The following PARD3B variants were observed in gnomAD, a reference collection of about 807,000 sequenced individuals.
PARD3B encodes the protein partitioning defective 3 homolog B.
Under a neutral mutation model 130.2 loss-of-function variants are expected in PARD3B, and 103 were observed. That is an observed-to-expected ratio of 0.79 (90% confidence interval 0.67 to 0.93). PARD3B has a LOEUF of 0.93. PARD3B is among the 40% of genes least tolerant of loss of function. The pLI is 0.00. For synonymous variants in PARD3B, 583 were observed against 553.2 expected, an observed-to-expected ratio of 1.05 and a Z score of -0.76; for missense variants, 1,609 against 1,499.2, an observed-to-expected ratio of 1.07 and a Z score of -1.21.
intron 21 of PARD3B, among the ~76,000 whole-genome samples, chr2:205,503,843 A>G (rs551474426): frequency 3.6e-4 from 55 of 151,984 alleles, no homozygotes; most frequent in African/African-American, 1.3e-3. Context: ...ATCCTCTTTT[A>G]TTTCATTGAG....
At chr2:205,094,705 G>T (rs1458991906) in intron 4 of PARD3B, among the ~76,000 whole-genome samples, 1 of 152,152 alleles carries the variant, frequency 6.6e-6, no homozygotes, top group Admixed American at 6.5e-5. Flanking sequence ...TGGCATGCGT[G>T]AAATGCCTGT....
intron 2 of PARD3B, among the ~76,000 whole-genome samples, chr2:204,773,184 T>G (rs2041463037): frequency 6.6e-6 from 1 of 151,992 alleles, no homozygotes; most frequent in Non-Finnish European, 1.5e-5. Context: ...CTTTTAAATA[T>G]ATCAGTGCTG....
chr2:205,123,672 AAT>A (rs201589558), intron 8 of PARD3B, among the ~76,000 whole-genome samples: 34,370 of 95,916 alleles, frequency 0.36, 5,161 homozygotes, highest in African/African-American at 0.49. Flanking sequence ...AAAAAAAAAA[AAT>A]AAGTGGTGGG....
chr2:204,644,460 A>G (rs1203210898), intron 1 of PARD3B, among the ~76,000 whole-genome samples: 2 of 152,190 alleles, frequency 1.3e-5, no homozygotes, highest in Non-Finnish European at 2.9e-5. Flanking sequence ...GTACCAATAT[A>G]GACTCTTTTA....
intron 4 of PARD3B, among the ~76,000 whole-genome samples, chr2:205,067,018 A>G (rs1402259168): frequency 1.4e-5 from 2 of 146,408 alleles, no homozygotes; most frequent in African/African-American, 5.1e-5. Context: ...GTAAGATGAA[A>G]TTATCTCAGT....
At chr2:205,155,545 T>A (rs901214611) in intron 10 of PARD3B, among the ~76,000 whole-genome samples, 1 of 152,276 alleles carries the variant, frequency 6.6e-6, no homozygotes, top group African/African-American at 2.4e-5. Flanking sequence ...AAATTTTGAT[T>A]TGTCAATTAA....
chr2:205,117,683 G>A (rs10211222), intron 6 of PARD3B, among the ~76,000 whole-genome samples: 50,049 of 152,086 alleles, frequency 0.33, 8,482 homozygotes, highest in African/African-American at 0.35. Context: ...TGACAAAGTC[G>A]AAAAGCAAGA....
intron 4 of PARD3B, among the ~76,000 whole-genome samples, chr2:205,075,873 C>T (rs1327513727): frequency 1.3e-5 from 2 of 151,994 alleles, no homozygotes; most frequent in Non-Finnish European, 2.9e-5. Flanking sequence ...AATGTTCAAA[C>T]TGATAAAACT....
rs577520367 is a variant in PARD3B, at chr2:204,814,240, A to C, written c.222+127958A>C. Among the ~76,000 whole-genome samples, 39 of 151,912 alleles carry C rather than the reference A, an allele frequency of 2.6e-4. 1 individual carries two copies. Among genetic ancestry groups the C allele is most frequent in the African/African-American group, 9.4e-4 (39 of 41,522 alleles). On this transcript the variant is annotated intron_variant, in intron 2 of 22. Transcript: ENST00000406610. ...TCTATTGTACATATATTGCTTTTTAATTCCAATTTTCAGTTTTTCCTTACT... is the reference window on the plus strand; with the variant it reads ...TCTATTGTACATATATTGCTTTTTACTTCCAATTTTCAGTTTTTCCTTACT...
chr2:204,852,357 T>C (rs948021346), intron 2 of PARD3B, among the ~76,000 whole-genome samples: 1 of 152,118 alleles, frequency 6.6e-6, no homozygotes, highest in African/African-American at 2.4e-5. Context: ...GAGATTCTGG[T>C]TAAGGACTGT....
intron 3 of PARD3B, among the ~76,000 whole-genome samples, chr2:205,042,669 T>C (rs531137033): frequency 1.3e-4 from 20 of 152,192 alleles, no homozygotes; most frequent in Non-Finnish European, 2.2e-4. Flanking sequence ...GTGTGTGTTC[T>C]CCAATAAGCC....
In PARD3B at chr2:205,194,961, T is replaced by TG. The variant is rs1297381369; in HGVS notation, c.2140+1641_2140+1642insG. On this transcript the variant is annotated intron_variant, in intron 15 of 22. Coordinates refer to ENST00000406610, the MANE Select transcript of PARD3B (RefSeq NM_001302769.2). ...ACCACGCCAGGCTAATTTTTTTTTTTTTTTTTTTTGTATTTTTAGTAGAGA... is the reference window on the plus strand; with the variant it reads ...ACCACGCCAGGCTAATTTTTTTTTTTGTTTTTTTTTGTATTTTTAGTAGAGA... Among the ~76,000 whole-genome samples, 1,462 of 146,794 alleles carry TG rather than the reference T, an allele frequency of 1.0e-2. 35 individuals carry two copies. The highest frequency in any genetic ancestry group is 0.035 in the African/African-American group (1,402 of 39,914).
intron 2 of PARD3B, among the ~76,000 whole-genome samples, chr2:204,764,220 A>G (rs1463233640): frequency 6.6e-6 from 1 of 152,190 alleles, no homozygotes; most frequent in Non-Finnish European, 1.5e-5. Flanking sequence ...TGCATAAGGC[A>G]TGAATTTCTG....
At chr2:205,137,341 T>C (rs2032572734) in intron 10 of PARD3B, among the ~76,000 whole-genome samples, 1 of 152,006 alleles carries the variant, frequency 6.6e-6, no homozygotes, top group South Asian at 2.1e-4. Context: ...ATAACGAACA[T>C]CTTTCCGAAG....
In PARD3B at chr2:204,850,868, G is replaced by A. The variant is rs141894305; in HGVS notation, c.223-114284G>A. Among the ~76,000 whole-genome samples, 3 of 152,254 alleles carry A rather than the reference G, an allele frequency of 2.0e-5. No homozygotes were observed. The East Asian group carries it at 5.8e-4, about 29-fold the overall frequency. On this transcript the variant is annotated intron_variant, in intron 2 of 22. Coordinates refer to ENST00000406610, the MANE Select transcript of PARD3B (RefSeq NM_001302769.2). Reference sequence around the variant, plus strand: ...GTATACGCCTGTTTTTGTATTGGTAGCTTGATCATTATGACTGTCTGGCAA... The same window carrying A: ...GTATACGCCTGTTTTTGTATTGGTAACTTGATCATTATGACTGTCTGGCAA...
At chr2:205,603,281 A>G (rs959323867) in intron 22 of PARD3B, among the ~76,000 whole-genome samples, 10 of 152,130 alleles carry the variant, frequency 6.6e-5, no homozygotes, top group African/African-American at 2.4e-4. Flanking sequence ...TATGTGATCA[A>G]TTTTAGAGTA....
intron 16 of PARD3B, among the ~76,000 whole-genome samples, chr2:205,247,064 C>T (rs1389361864): frequency 6.6e-6 from 1 of 152,172 alleles, no homozygotes; most frequent in Non-Finnish European, 1.5e-5. Context: ...GCTTATAGTT[C>T]TCTTATACAT....
intron 11 of PARD3B, among the ~76,000 whole-genome samples, chr2:205,167,718 C>T: frequency 6.6e-6 from 1 of 152,172 alleles, no homozygotes; most frequent in East Asian, 1.9e-4. Flanking sequence ...AATGTAGAAG[C>T]AACGTAGCAT....
Position 205,224,464 on chromosome 2 carries a change from A to G in PARD3B, c.2141-21314A>G, listed in dbSNP as rs542144576. ...TTGACTGTAGTCACCCTGTTATGCTATCAAATACTAGATCTTATTCTGACT... is the reference window on the plus strand; with the variant it reads ...TTGACTGTAGTCACCCTGTTATGCTGTCAAATACTAGATCTTATTCTGACT... On this transcript the variant is annotated intron_variant, in intron 15 of 22. Coordinates refer to ENST00000406610, the MANE Select transcript of PARD3B (RefSeq NM_001302769.2). Among the ~76,000 whole-genome samples the G allele has an allele frequency of 1.1e-3, 164 of 151,540 alleles. 2 individuals carry two copies. Among genetic ancestry groups the G allele is most frequent in the African/African-American group, 3.7e-3 (152 of 41,312 alleles).
Sources: gnomAD v4.1 joint callset for allele counts (sites outside exome capture counted in the v4.1 genomes callset) on GRCh38, gnomAD v4.1.1 for gene constraint, MANE v1.5 for transcripts, NCBI Gene and HGNC (gene_info 2026-07-23, HGNC 2026-07-21) for gene names.